The following TUSC3 variants were observed in gnomAD, a reference collection of about 807,000 sequenced individuals.
TUSC3 encodes the protein tumor suppressor candidate 3, also known as dolichyl-diphosphooligosaccharide--protein glycosyltransferase subunit TUSC3.
Under a neutral mutation model 44.8 loss-of-function variants are expected in TUSC3, and 45 were observed. That is an observed-to-expected ratio of 1.00 (90% CI 0.79 to 1.29). The LOEUF is 1.29. TUSC3 is among the 50% of genes most tolerant of loss of function. TUSC3 has a pLI of 0.00. For missense variants in TUSC3, 519 were observed against 437.9 expected, an observed-to-expected ratio of 1.19 and a Z score of -1.65; for synonymous variants, 212 against 152.9, an observed-to-expected ratio of 1.39 and a Z score of -2.85.
At chr8:15,571,064 C>G (rs891293656) in intron 1 of TUSC3, among the ~76,000 whole-genome samples, 4 of 147,524 alleles carry the variant, frequency 2.7e-5, no homozygotes, top group African/African-American at 7.5e-5. Context: ...TCAAGGGATT[C>G]TCCTGCCCCA....
At chr8:15,445,512 G>A (rs1432762900) in intron 1 of TUSC3, among the ~76,000 whole-genome samples, 2 of 152,076 alleles carry the variant, frequency 1.3e-5, no homozygotes, top group African/African-American at 2.4e-5. Context: ...AGGGAGTGGT[G>A]ATGACTCTTA....
chr8:15,560,264 G>A (rs1332736897), intron 1 of TUSC3, among the ~76,000 whole-genome samples: 7 of 145,292 alleles, frequency 4.8e-5, no homozygotes, highest in African/African-American at 1.8e-4. Context: ...CACTTATGAA[G>A]CTTAGTTTGG....
At chr8:15,428,294 T>G in intron 1 of TUSC3, among the ~76,000 whole-genome samples, 1 of 151,944 alleles carries the variant, frequency 6.6e-6, no homozygotes, top group East Asian at 1.9e-4. Context: ...ACAAAGGACA[T>G]GAACTCATCC....
rs546789385 is a variant in TUSC3, at chr8:15,686,998, G to A, written c.798+13162G>A. Among the ~76,000 whole-genome samples the A allele has an allele frequency of 4.6e-5, 7 of 152,172 alleles. No homozygotes were observed. The East Asian group carries it at 7.8e-4, about 17-fold the overall frequency. ...TGAGGCAGGAGAATGGCCTGAACCC[G>A]GGAGGCGGAGCTTGCAGTGAGCCGA... On this transcript the variant is annotated intron_variant, in intron 6 of 10. Coordinates refer to ENST00000503731, the MANE Select transcript of TUSC3 (RefSeq NM_006765.4).
intron 2 of TUSC3, among the ~76,000 whole-genome samples, chr8:15,642,290 G>T (rs185337866): frequency 6.6e-6 from 1 of 152,222 alleles, no homozygotes; most frequent in East Asian, 1.9e-4. Flanking sequence ...TTTAAGAATA[G>T]TATGTGAATC....
intron 7 of TUSC3, chr8:15,733,305 C>T (rs1810797096): frequency 2.2e-5 from 8 of 357,936 alleles, no homozygotes; most frequent in South Asian, 1.8e-4. Flanking sequence ...GCATTTGTTG[C>T]AGGTAAGTTT....
the TUSC3 span, among the ~76,000 whole-genome samples, chr8:15,829,288 A>C: frequency 6.6e-6 from 1 of 152,176 alleles, no homozygotes; most frequent in South Asian, 2.1e-4. Flanking sequence ...TAAACGTTTG[A>C]TAAAGTTTTT....
chr8:15,778,099 CAAA>C, the TUSC3 span, among the ~76,000 whole-genome samples: 1 of 134,694 alleles, frequency 7.4e-6, no homozygotes, highest in Admixed American at 7.4e-5. Context: ...CACTTTAAGG[CAAA>C]AAAAAAAAAC....
intron 1 of TUSC3, among the ~76,000 whole-genome samples, chr8:15,437,261 A>G (rs28394436): frequency 0.16 from 24,767 of 152,180 alleles, 2,092 homozygotes; most frequent in Middle Eastern, 0.22. Context: ...AGCAATTCAC[A>G]TGTACCATTT....
Position 15,765,991 on chromosome 8 carries a change from A to G in TUSC3, c.*1835A>G, listed in dbSNP as rs1382106630. The G allele has an allele frequency of 6.6e-6, 1 of 152,108 alleles. No homozygotes were observed. Among genetic ancestry groups the G allele is most frequent in the Admixed American group, 6.6e-5 (1 of 15,246 alleles). 9.4% of individuals were successfully genotyped at this position (152,108 alleles called of 1,614,324 possible). A position where few individuals can be genotyped will look rare whatever the true frequency, so the allele number is the denominator to read the frequency against. On this transcript the variant is annotated 3_prime_UTR_variant, in exon 11 of 11. Coordinates refer to ENST00000503731, the MANE Select transcript of TUSC3 (RefSeq NM_006765.4). ...TTAAATGATATTACAAATTATCTCT[A>G]ATCTCACTGTAAATCTTTTAATCAT... is the stretch of plus-strand genomic sequence containing the variant.
chr8:15,455,863 G>A (rs1025768413), intron 1 of TUSC3, among the ~76,000 whole-genome samples: 3 of 152,194 alleles, frequency 2.0e-5, no homozygotes, highest in Non-Finnish European at 4.4e-5. Context: ...CACCAGGCTA[G>A]GAGGATAGAG....
At chr8:15,733,833 G>A (rs80049010) in intron 7 of TUSC3, among the ~76,000 whole-genome samples, 2,935 of 152,186 alleles carry the variant, frequency 0.019, 87 homozygotes, top group African/African-American at 0.067. Context: ...TTTTAGTTGA[G>A]GAGTTTGAGA....
chr8:15,447,282 T>C (rs975201979), intron 1 of TUSC3, among the ~76,000 whole-genome samples: 6 of 151,660 alleles, frequency 4.0e-5, no homozygotes, highest in Non-Finnish European at 2.9e-5. Context: ...ATCTAAGGAG[T>C]TTTGAAGGGA....
chr8:15,643,060 A>G (rs1806455996), intron 2 of TUSC3, among the ~76,000 whole-genome samples: 1 of 152,232 alleles, frequency 6.6e-6, no homozygotes, highest in Middle Eastern at 3.4e-3. Flanking sequence ...TGTTCTGATG[A>G]TAGTGAGTGA....
At chr8:15,465,161 C>G (rs1800398409) in intron 1 of TUSC3, among the ~76,000 whole-genome samples, 1 of 152,132 alleles carries the variant, frequency 6.6e-6, no homozygotes, top group Admixed American at 6.6e-5. Flanking sequence ...ACTTCTAATA[C>G]AAATGTCTGC....
chr8:15,613,064 GATATAT>G (rs34594440), intron 1 of TUSC3, among the ~76,000 whole-genome samples: 1 of 144,572 alleles, frequency 6.9e-6, no homozygotes, highest in Admixed American at 7.0e-5. Context: ...TTATATATAT[GATATAT>G]ATATATATAT....
intron 2 of TUSC3, among the ~76,000 whole-genome samples, chr8:15,646,469 T>C (rs1004191451): frequency 3.9e-5 from 6 of 152,096 alleles, no homozygotes; most frequent in Middle Eastern, 6.3e-3. Flanking sequence ...TAGAGTAATA[T>C]GGAATACAGA....
At chr8:15,601,586 A>T (rs1804289239) in intron 1 of TUSC3, among the ~76,000 whole-genome samples, 1 of 151,864 alleles carries the variant, frequency 6.6e-6, no homozygotes, top group South Asian at 2.1e-4. Context: ...TTACTTCCAT[A>T]ATTATTTATA....
chr8:15,608,289 G>T (rs1804617815), intron 1 of TUSC3, among the ~76,000 whole-genome samples: 1 of 151,904 alleles, frequency 6.6e-6, no homozygotes, highest in South Asian at 2.1e-4. Context: ...AATGTGTACT[G>T]AATTCCTTAG....
Sources: allele counts gnomAD v4.1 joint callset (sites outside exome capture counted in the v4.1 genomes callset), GRCh38; gene constraint gnomAD v4.1.1; transcripts MANE v1.5; gene names NCBI Gene and HGNC (gene_info 2026-07-23, HGNC 2026-07-21).